The following MKNK1 variants were observed in gnomAD, a reference collection of about 807,000 sequenced individuals.
The protein encoded by MKNK1 is MAP kinase-interacting serine/threonine-protein kinase 1.
MKNK1 carries 30 observed loss-of-function variants against 49.3 expected under a neutral mutation model. That is an observed-to-expected ratio of 0.61 (90% CI 0.46 to 0.83). The LOEUF is 0.83. Ranked by LOEUF, MKNK1 falls within the 40% of genes least tolerant of loss-of-function variation. The pLI is 0.00. For missense variants in MKNK1, 423 were observed against 524.7 expected, an observed-to-expected ratio of 0.81 and a Z score of 1.89; for synonymous variants, 176 against 201.7, an observed-to-expected ratio of 0.87 and a Z score of 1.08.
intron 2 of MKNK1, among the ~76,000 whole-genome samples, chr1:46,585,246 T>A (rs1570256451): frequency 1.4e-4 from 4 of 29,026 alleles, no homozygotes; most frequent in African/African-American, 2.5e-4. Flanking sequence ...CAAGATTCCG[T>A]CTCAAAAAAA....
intron 1 of MKNK1, among the ~76,000 whole-genome samples, chr1:46,596,240 T>C (rs946640206): frequency 2.6e-5 from 4 of 152,254 alleles, no homozygotes; most frequent in African/African-American, 9.6e-5. Flanking sequence ...GTAGACAATA[T>C]GTAAATCAAT....
chr1:46,586,077 G>T lies in MKNK1; in HGVS notation c.-2-2748C>A, dbSNP rs191773579. ...GAGAGGTGTCATAATCTCACCAAGG[G>T]GTCGCTAGTTGCCCATGTGGAGCCT... is the stretch of plus-strand genomic sequence containing the variant. On this transcript the variant is annotated intron_variant, in intron 2 of 12. Coordinates refer to ENST00000371945, the MANE Select transcript of MKNK1 (RefSeq NM_001135553.4). 6.8e-6 allele frequency: 3 copies of T among 442,400 alleles called. 1 individual carries two copies. Among genetic ancestry groups the T allele is most frequent in the African/African-American group, 4.1e-5 (2 of 48,852 alleles). 27.4% of individuals were successfully genotyped at this position (442,400 alleles called of 1,614,324 possible).
chr1:46,572,034 C>T, intron 7 of MKNK1, 29 bp downstream of exon 7: 1 of 1,608,588 alleles, frequency 6.2e-7, no homozygotes, highest in Admixed American at 1.7e-5. Flanking sequence ...CCAGCCCAAC[C>T]CACCCACCAA....
chr1:46,571,524 CAGAG>C (rs954174163), intron 7 of MKNK1: 13 of 436,726 alleles, frequency 3.0e-5, no homozygotes, highest in Admixed American at 5.3e-5. Context: ...GCCTAGGTGA[CAGAG>C]AGAGACTTTG....
chr1:46,578,681 G>C (rs1255661789), intron 4 of MKNK1, among the ~76,000 whole-genome samples: 1 of 150,886 alleles, frequency 6.6e-6, no homozygotes, highest in Non-Finnish European at 1.5e-5. Context: ...TTGCCTCCTG[G>C]GCTCAAGTGA....
intron 8 of MKNK1, among the ~76,000 whole-genome samples, chr1:46,566,791 G>A (rs754008500): frequency 6.6e-6 from 1 of 152,172 alleles, no homozygotes; most frequent in Non-Finnish European, 1.5e-5. Flanking sequence ...CTTATTTGGA[G>A]AAATGTCTGT....
rs760502877 is a variant in MKNK1, at chr1:46,583,310, G to A, written c.18C>T (p.Pro6=). 1.2e-6 allele frequency: 2 copies of A among 1,613,724 alleles called. No homozygotes were observed. The highest frequency in any genetic ancestry group is 2.2e-5 in the East Asian group (1 of 44,870). Residue 6 remains proline, a synonymous_variant, in exon 3 of 13, where the codon CCC becomes CCT. Coordinates refer to ENST00000371945, the MANE Select transcript of MKNK1 (RefSeq NM_001135553.4). Reference sequence around the variant, plus strand: ...TCCTGTCACCATCTGCGATGGGAAGGGGTTCGCTACTGCCCATCTCTAGGA... The same window carrying A: ...TCCTGTCACCATCTGCGATGGGAAGAGGTTCGCTACTGCCCATCTCTAGGA... MGSSE[P]LPIADGDRRR... is the part of the protein sequence containing the mutation.
chr1:46,580,818 C>A (rs993518031), intron 3 of MKNK1, among the ~76,000 whole-genome samples, 191 bp from the exon 4 acceptor site: 25 of 152,180 alleles, frequency 1.6e-4, no homozygotes, highest in Non-Finnish European at 1.5e-5. Context: ...AACAAGACCA[C>A]ATACAAGGCA....
At chr1:46,594,314 T>G in intron 1 of MKNK1, 34 bp from the exon 2 acceptor site, 1 of 681,132 alleles carries the variant, frequency 1.5e-6, no homozygotes, top group South Asian at 1.5e-5. Flanking sequence ...GAAATCAAAA[T>G]GCTGACTTCT....
chr1:46,565,837 A>T (rs186720994), intron 8 of MKNK1, among the ~76,000 whole-genome samples: 4 of 152,290 alleles, frequency 2.6e-5, no homozygotes, highest in Admixed American at 2.0e-4. Context: ...AGTGAACTAA[A>T]TGCTGGTTCT....
chr1:46,601,187 G>A (rs578139761), intron 1 of MKNK1, among the ~76,000 whole-genome samples: 78 of 152,276 alleles, frequency 5.1e-4, no homozygotes, highest in Non-Finnish European at 9.3e-4. Context: ...AAAGTGCTGG[G>A]ATTACAGGCG....
intron 1 of MKNK1, among the ~76,000 whole-genome samples, chr1:46,602,186 C>G (rs1674819544): frequency 6.6e-6 from 1 of 152,132 alleles, no homozygotes. Flanking sequence ...CCCAGGCAGG[C>G]GGATCACCTG....
At chr1:46,580,778 C>A in intron 3 of MKNK1, 151 bp from the exon 4 acceptor site, 2 of 599,004 alleles carry the variant, frequency 3.3e-6, no homozygotes, top group Non-Finnish European at 3.0e-6. Flanking sequence ...AAGTAGCTTT[C>A]CCAGCCACCT....
intron 2 of MKNK1, among the ~76,000 whole-genome samples, chr1:46,587,808 A>T (rs1224275438): frequency 6.6e-6 from 1 of 151,098 alleles, no homozygotes; most frequent in Non-Finnish European, 1.5e-5. Context: ...CAAGAGTGAA[A>T]CTCCGTCTCA....
At chr1:46,580,391 G>C (rs1557865432) in intron 4 of MKNK1, 139 bp downstream of exon 4, 1 of 670,626 alleles carries the variant, frequency 1.5e-6, no homozygotes, top group South Asian at 1.7e-5. Context: ...TACACAGTAA[G>C]TAGAGAAACC....
At chr1:46,583,378 C>G in intron 2 of MKNK1, 49 bp from the exon 3 acceptor site, 1 of 1,418,472 alleles carries the variant, frequency 7.0e-7, no homozygotes, top group Non-Finnish European at 9.7e-7. Context: ...ACTGATCAAG[C>G]TGTAAATTTA....
intron 1 of MKNK1, among the ~76,000 whole-genome samples, chr1:46,602,556 C>T (rs977894885): frequency 1.3e-5 from 2 of 152,246 alleles, no homozygotes; most frequent in African/African-American, 4.8e-5. Flanking sequence ...CCAAACTCTA[C>T]ATCCAGCTTG....
In MKNK1 at chr1:46,589,034, C is replaced by T. The variant is rs1460712227; in HGVS notation, c.-3+5079G>A. Among the ~76,000 whole-genome samples the T allele has an allele frequency of 6.6e-6, 1 of 152,170 alleles. No individual in the cohort carries two copies. On this transcript the variant is annotated intron_variant, in intron 2 of 12. Coordinates refer to ENST00000371945, the MANE Select transcript of MKNK1 (RefSeq NM_001135553.4). The surrounding 1 kb of genome is among the most constrained non-coding windows in gnomAD (Gnocchi z 4.3). ...GCTGCTGTGAGGATCAAATAAGAGA[C>T]TAGAAGTGAAAGCACCACTGACTTA...
At chr1:46,600,174 C>G (rs1378552896) in intron 1 of MKNK1, among the ~76,000 whole-genome samples, 2 of 152,222 alleles carry the variant, frequency 1.3e-5, no homozygotes, top group Non-Finnish European at 2.9e-5. Flanking sequence ...TGTTTACATT[C>G]CTTACTACAT....
Sources: allele counts gnomAD v4.1 joint callset (sites outside exome capture counted in the v4.1 genomes callset), GRCh38; gene constraint gnomAD v4.1.1; non-coding constraint Gnocchi (gnomAD v3.1); transcripts MANE v1.5; gene names NCBI Gene and HGNC (gene_info 2026-07-23, HGNC 2026-07-21).